Variants in SLC38A12 observed in about 807,000 individuals in gnomAD.
SLC38A12 encodes solute carrier family 38 member 12.
chr17:74,806,065 A>G, the SLC38A12 span, among the ~76,000 whole-genome samples: 3 of 152,222 alleles, frequency 2.0e-5, no homozygotes, highest in African/African-American at 4.8e-5. Context: ...GAGCAGTTCA[A>G]TTCCTGGCAG....
the SLC38A12 span, among the ~76,000 whole-genome samples, chr17:74,828,655 G>A: frequency 6.6e-6 from 1 of 152,160 alleles, no homozygotes; most frequent in Non-Finnish European, 1.5e-5. Context: ...TAGCACCCCA[G>A]ACCCAGCCAG....
the SLC38A12 span, among the ~76,000 whole-genome samples, chr17:74,802,919 C>T: frequency 6.6e-6 from 1 of 152,132 alleles, no homozygotes; most frequent in Non-Finnish European, 1.5e-5. Context: ...TGTAACTTAC[C>T]TGGTTGCTCA....
At chr17:74,813,449 C>T in the SLC38A12 span, among the ~76,000 whole-genome samples, 1 of 152,336 alleles carries the variant, frequency 6.6e-6, no homozygotes, top group East Asian at 1.9e-4. Context: ...ACTTCAGCCC[C>T]TCATTCTCCT....
At chr17:74,790,885 G>C in the SLC38A12 span, 2 of 1,406,036 alleles carry the variant, frequency 1.4e-6, no homozygotes. Flanking sequence ...AATTCAGTGA[G>C]GTCCTCACCA....
At chr17:74,799,018 C>T in the SLC38A12 span, among the ~76,000 whole-genome samples, 20 of 53,108 alleles carry the variant, frequency 3.8e-4, no homozygotes, top group East Asian at 9.7e-3. Flanking sequence ...GGGATGCAGG[C>T]GTGTGTCACT....
the SLC38A12 span, among the ~76,000 whole-genome samples, chr17:74,781,965 T>C: frequency 6.6e-6 from 1 of 152,352 alleles, no homozygotes; most frequent in South Asian, 2.1e-4. Context: ...CCTCGTCTAT[T>C]GCCTGGGTAG....
At chr17:74,784,957 C>G in the SLC38A12 span, among the ~76,000 whole-genome samples, 1 of 100,772 alleles carries the variant, frequency 9.9e-6, no homozygotes, top group Non-Finnish European at 2.4e-5. Flanking sequence ...TATGCCTCAA[C>G]TTTTTTTTTA....
the SLC38A12 span, among the ~76,000 whole-genome samples, chr17:74,818,381 C>T: frequency 6.6e-6 from 1 of 152,242 alleles, no homozygotes; most frequent in African/African-American, 2.4e-5. Flanking sequence ...TGCCAGGTCG[C>T]CTTCTCTAGC....
At chr17:74,795,612 G>A in the SLC38A12 span, 2 of 1,614,002 alleles carry the variant, frequency 1.2e-6, no homozygotes, top group Middle Eastern at 1.6e-4. Context: ...GCGCCGAGTG[G>A]ACGCCTACCG....
chr17:74,788,777 C>T, the SLC38A12 span: 6 of 1,611,470 alleles, frequency 3.7e-6, no homozygotes, highest in African/African-American at 1.3e-5. Flanking sequence ...GCTGGGCACT[C>T]GGCCCCCTCA....
the SLC38A12 span, chr17:74,838,983 A>C: frequency 1.3e-6 from 2 of 1,535,558 alleles, no homozygotes; most frequent in Non-Finnish European, 1.7e-6. Context: ...CTTAAACTCA[A>C]CAGCCTCTAC....
the SLC38A12 span, among the ~76,000 whole-genome samples, chr17:74,777,101 G>A: frequency 1.3e-5 from 2 of 152,248 alleles, no homozygotes; most frequent in Non-Finnish European, 2.9e-5. Context: ...CCAGATTTCT[G>A]TCATCCAGGG....
At chr17:74,790,727 G>A in the SLC38A12 span, among the ~76,000 whole-genome samples, 3 of 148,502 alleles carry the variant, frequency 2.0e-5, no homozygotes, top group Non-Finnish European at 3.0e-5. Context: ...AGGCTCTGAC[G>A]CCTGCTCTCC....
chr17:74,793,688 C>T, the SLC38A12 span, among the ~76,000 whole-genome samples: 1 of 152,134 alleles, frequency 6.6e-6, no homozygotes, highest in African/African-American at 2.4e-5. Flanking sequence ...CCCCTCAGAG[C>T]AGAAAACAAG....
the SLC38A12 span, among the ~76,000 whole-genome samples, chr17:74,821,316 A>G: frequency 3.3e-5 from 5 of 152,166 alleles, no homozygotes; most frequent in South Asian, 4.1e-4. Context: ...GCGGGAGGAC[A>G]CCTGTCCATC....
At chr17:74,800,830 G>T in the SLC38A12 span, among the ~76,000 whole-genome samples, 25 of 152,228 alleles carry the variant, frequency 1.6e-4, no homozygotes. Flanking sequence ...AGGTGGCCTG[G>T]GGAGGGCCTG....
At chr17:74,776,980 A>G in the SLC38A12 span, among the ~76,000 whole-genome samples, 1 of 152,144 alleles carries the variant, frequency 6.6e-6, no homozygotes, top group Non-Finnish European at 1.5e-5. Context: ...GGTGAGACTT[A>G]GTGGTTTTAG....
the SLC38A12 span, among the ~76,000 whole-genome samples, chr17:74,793,534 AG>A: frequency 2.6e-5 from 4 of 152,202 alleles, no homozygotes; most frequent in Admixed American, 6.5e-5. Flanking sequence ...ATGTCTTCTC[AG>A]GAAGTTCATT....
chr17:74,830,950 C>T, the SLC38A12 span, among the ~76,000 whole-genome samples: 6 of 152,216 alleles, frequency 3.9e-5, no homozygotes, highest in Non-Finnish European at 7.3e-5. Context: ...CAGGCGACCT[C>T]GCGGGGCCTC....
Sources: gnomAD v4.1 joint callset for allele counts (sites outside exome capture counted in the v4.1 genomes callset) on GRCh38, gnomAD v4.1.1 for gene constraint, MANE v1.5 for transcripts, NCBI Gene and HGNC (gene_info 2026-07-23, HGNC 2026-07-21) for gene names.